The following KTN1 variants were observed in gnomAD, a reference collection of about 807,000 sequenced individuals.
The protein encoded by KTN1 is kinectin.
A neutral mutation model predicts 222.5 loss-of-function variants in KTN1; 130 were observed. That is an observed-to-expected ratio of 0.58 (90% CI 0.51 to 0.68). The LOEUF (loss-of-function observed/expected upper bound fraction) is 0.68, where lower values mean the gene tolerates loss of function less well. Ranked by LOEUF, KTN1 falls within the 30% of genes least tolerant of loss-of-function variation. The pLI is 0.00. For missense variants in KTN1, 1,508 were observed against 1,500.4 expected, an observed-to-expected ratio of 1.01 and a Z score of -0.08; for synonymous variants, 512 against 496.3, an observed-to-expected ratio of 1.03 and a Z score of -0.42.
intron 33 of KTN1, among the ~76,000 whole-genome samples, chr14:55,666,310 T>G (rs753304064): frequency 1.3e-5 from 2 of 151,932 alleles, no homozygotes; most frequent in Non-Finnish European, 2.9e-5. Context: ...GGGAAAGATA[T>G]GGTTGAGATG....
intron 5 of KTN1, among the ~76,000 whole-genome samples, chr14:55,620,414 CT>C (rs886681286): frequency 7.2e-5 from 11 of 152,206 alleles, no homozygotes; most frequent in Non-Finnish European, 1.3e-4. Flanking sequence ...AGGTTTCAAC[CT>C]CACATTTCCC....
chr14:55,650,638 G>T lies in KTN1; in HGVS notation c.2565+1G>T. The T allele has an allele frequency of 6.2e-7, 1 of 1,600,334 alleles. No individual in the cohort carries two copies. The highest frequency in any genetic ancestry group is 8.6e-7 in the Non-Finnish European group (1 of 1,168,322). ...TGTCCAGCTTGAAAAGGCTCAACAG[G>T]TAAAAATCCCAGAGCCATAGCATGA... On this transcript the variant is annotated splice_donor_variant, in intron 24 of 43. Transcript: ENST00000395314. LOFTEE classifies it high-confidence loss of function.
chr14:55,611,852 T>C (rs922648495), intron 1 of KTN1, 167 bp from the exon 2 acceptor site: 3 of 344,958 alleles, frequency 8.7e-6, no homozygotes, highest in Middle Eastern at 7.6e-4. Context: ...ATATGAATTG[T>C]AGTTGGCAAA....
chr14:55,618,261 G>T (rs925961787), intron 4 of KTN1, 127 bp downstream of exon 4: 2 of 688,308 alleles, frequency 2.9e-6, no homozygotes, highest in Non-Finnish European at 4.5e-6. Flanking sequence ...TGTGGTAGAA[G>T]ACTTATTGGT....
chr14:55,624,897 C>T (rs563940449), intron 5 of KTN1, among the ~76,000 whole-genome samples: 1 of 152,276 alleles, frequency 6.6e-6, no homozygotes, highest in East Asian at 1.9e-4. Context: ...AAAGCAGTTT[C>T]ATTGCAGTAC....
intron 1 of KTN1, among the ~76,000 whole-genome samples, chr14:55,597,779 G>A (rs1423537847): frequency 1.3e-5 from 2 of 152,026 alleles, no homozygotes; most frequent in South Asian, 4.2e-4. Context: ...ATTTGAGCCC[G>A]GGAGGGGGAG....
chr14:55,633,862 G>A (rs1396325256), intron 8 of KTN1, among the ~76,000 whole-genome samples: 1 of 152,092 alleles, frequency 6.6e-6, no homozygotes, highest in Non-Finnish European at 1.5e-5. Flanking sequence ...TTTCGGGCCG[G>A]GTGTGGTGGT....
At chr14:55,615,411 C>T (rs1478651222) in intron 2 of KTN1, among the ~76,000 whole-genome samples, 1 of 151,478 alleles carries the variant, frequency 6.6e-6, no homozygotes, top group African/African-American at 2.4e-5. Flanking sequence ...TGACAATTAC[C>T]CTTCTACTTT....
chr14:55,629,849 A>G, intron 6 of KTN1, 108 bp from the exon 7 acceptor site: 2 of 781,208 alleles, frequency 2.6e-6, no homozygotes, highest in Non-Finnish European at 4.2e-6. Context: ...ATGTTTTATC[A>G]TTCATGATTA....
chr14:55,584,635 G>C (rs574177720), intron 1 of KTN1, among the ~76,000 whole-genome samples: 1 of 152,026 alleles, frequency 6.6e-6, no homozygotes, highest in South Asian at 2.1e-4. Flanking sequence ...ACCTTGCTCC[G>C]TTTTCTTTAT....
intron 2 of KTN1, among the ~76,000 whole-genome samples, chr14:55,613,603 C>T (rs1038202121): frequency 7.0e-6 from 1 of 142,940 alleles, no homozygotes; most frequent in African/African-American, 2.6e-5. Context: ...AAGTGATTCT[C>T]CTGCCTCAGC....
chr14:55,671,955 A>G, intron 37 of KTN1, 78 bp downstream of exon 37: 4 of 851,668 alleles, frequency 4.7e-6, no homozygotes, highest in South Asian at 3.1e-5. Context: ...ATCACCATGC[A>G]CATTCTTGGG....
intron 1 of KTN1, among the ~76,000 whole-genome samples, chr14:55,586,093 A>G (rs1415089732): frequency 2.0e-5 from 3 of 152,214 alleles, no homozygotes; most frequent in African/African-American, 7.2e-5. Context: ...GTCTGGTATA[A>G]TAAGCTGGAA....
chr14:55,593,937 C>A (rs192890333), intron 1 of KTN1, among the ~76,000 whole-genome samples: 112 of 152,144 alleles, frequency 7.4e-4, no homozygotes, highest in Middle Eastern at 3.4e-3. Context: ...GTTGCTGTTA[C>A]CTTTAGGAAC....
chr14:55,656,169 T>C, intron 29 of KTN1, 37 bp downstream of exon 29: 2 of 1,379,156 alleles, frequency 1.5e-6, no homozygotes, highest in Non-Finnish European at 1.0e-6. Context: ...ATTTTGTAAA[T>C]TATTGTCTTT....
In KTN1 at chr14:55,612,525, T is replaced by A. The variant is rs141583147; in HGVS notation, c.477T>A (p.Ala159=). 2 of 1,603,350 alleles carry A rather than the reference T, an allele frequency of 1.2e-6. No individual in the cohort carries two copies. The highest frequency in any genetic ancestry group is 1.7e-6 in the Non-Finnish European group (2 of 1,177,228). Residue 159 remains alanine (A), a synonymous_variant, in exon 2 of 44, where the codon GCT becomes GCA. Coordinates refer to ENST00000395314, the MANE Select transcript of KTN1 (RefSeq NM_001079521.2). ...TKQPTPPSEA[A]ASKKKPGQKK... is the part of the protein sequence containing the mutation. ...AGCCCACCCCTCCCTCTGAAGCAGC[T>A]GCCTCGAAGAAGAAACCAGGGCAGA...
chr14:55,600,388 C>G (rs1410041380), intron 1 of KTN1, among the ~76,000 whole-genome samples: 1 of 152,130 alleles, frequency 6.6e-6, no homozygotes, highest in Non-Finnish European at 1.5e-5. Context: ...GTTATTAAGA[C>G]TACCCTGTGG....
intron 43 of KTN1, chr14:55,681,302 A>T (rs192506567): frequency 6.4e-4 from 97 of 152,678 alleles, no homozygotes; most frequent in African/African-American, 2.2e-3. Flanking sequence ...CCTTTGTCTT[A>T]TAAGGGAAGG....
chr14:55,658,990 A>C (rs182196060), intron 30 of KTN1, among the ~76,000 whole-genome samples: 1 of 152,310 alleles, frequency 6.6e-6, no homozygotes, highest in Admixed American at 6.5e-5. Context: ...TAACAAATGT[A>C]TCATAAGCAA....
Sources: allele counts gnomAD v4.1 joint callset (sites outside exome capture counted in the v4.1 genomes callset), GRCh38; gene constraint gnomAD v4.1.1; transcripts MANE v1.5; gene names NCBI Gene and HGNC (gene_info 2026-07-23, HGNC 2026-07-21).